The following TSHZ2 variants were observed in gnomAD, a reference collection of about 807,000 sequenced individuals.
The protein encoded by TSHZ2 is teashirt zinc finger homeobox 2.
A neutral mutation model predicts 74.4 loss-of-function variants in TSHZ2; 21 were observed. The observed-to-expected ratio is 0.28, with a 90% confidence interval of 0.20 to 0.41. The LOEUF is 0.41. Ranked by LOEUF, TSHZ2 falls within the 10% of genes least tolerant of loss-of-function variation. The pLI is 1.00. For synonymous variants in TSHZ2, 540 were observed against 515.3 expected (o/e 1.05, Z -0.65); for missense variants, 1,244 against 1,293.5 (o/e 0.96, Z 0.59).
At chr20:53,402,640 A>T (rs1017563751) in intron 2 of TSHZ2, among the ~76,000 whole-genome samples, 1 of 152,220 alleles carries the variant, frequency 6.6e-6, no homozygotes, top group Non-Finnish European at 1.5e-5. Context: ...GTTAGTTTCA[A>T]TGGGGTAACC....
intron 2 of TSHZ2, among the ~76,000 whole-genome samples, chr20:53,329,519 G>A (rs2145543926): frequency 6.6e-6 from 1 of 152,188 alleles, no homozygotes; most frequent in East Asian, 1.9e-4. Flanking sequence ...ATCAATATCA[G>A]TCTGATGACT....
intron 2 of TSHZ2, among the ~76,000 whole-genome samples, chr20:53,452,338 G>A (rs1248034497): frequency 3.3e-5 from 5 of 152,272 alleles, no homozygotes; most frequent in South Asian, 4.1e-4. Context: ...GGTGGCTCAC[G>A]CCTGTAGTCC....
intron 1 of TSHZ2, among the ~76,000 whole-genome samples, chr20:52,992,240 G>A (rs1438041670): frequency 1.3e-5 from 2 of 152,312 alleles, no homozygotes; most frequent in East Asian, 1.9e-4. Flanking sequence ...CAGTCAGTGG[G>A]TTGAATGCAT....
chr20:53,142,710 C>T (rs1475461989), intron 1 of TSHZ2, among the ~76,000 whole-genome samples: 1 of 152,060 alleles, frequency 6.6e-6, no homozygotes, highest in Non-Finnish European at 1.5e-5. Flanking sequence ...GAGGGTGTGG[C>T]CTACTCATTT....
intron 2 of TSHZ2, among the ~76,000 whole-genome samples, chr20:53,290,951 G>A (rs951234225): frequency 3.3e-5 from 5 of 152,210 alleles, no homozygotes; most frequent in Admixed American, 1.3e-4. Context: ...TTGAGGGGTT[G>A]CAATGGAGAC....
chr20:53,222,101 G>T (rs542595410), intron 1 of TSHZ2, among the ~76,000 whole-genome samples: 4 of 152,256 alleles, frequency 2.6e-5, no homozygotes, highest in South Asian at 4.2e-4. Flanking sequence ...TAGGCTAAAA[G>T]ATATAAAAAG....
At chr20:53,056,114 C>T (rs1323901814) in intron 1 of TSHZ2, among the ~76,000 whole-genome samples, 3 of 152,210 alleles carry the variant, frequency 2.0e-5, no homozygotes, top group African/African-American at 7.2e-5. Flanking sequence ...GTTATTTTAT[C>T]TATACCTAGA....
chr20:53,217,354 A>G (rs976374830), intron 1 of TSHZ2, among the ~76,000 whole-genome samples: 2 of 152,164 alleles, frequency 1.3e-5, no homozygotes, highest in African/African-American at 4.8e-5. Flanking sequence ...GCTCTAGGCA[A>G]GTGAGATATT....
intron 2 of TSHZ2, among the ~76,000 whole-genome samples, chr20:53,363,388 C>A (rs943342355): frequency 1.3e-5 from 2 of 152,228 alleles, no homozygotes; most frequent in African/African-American, 4.8e-5. Flanking sequence ...GGGTTCAAAG[C>A]CAGTGCTCCA....
At chr20:53,014,686 C>A (rs1030285384) in intron 1 of TSHZ2, among the ~76,000 whole-genome samples, 3 of 152,124 alleles carry the variant, frequency 2.0e-5, no homozygotes, top group African/African-American at 7.2e-5. Flanking sequence ...CATTTTGTAT[C>A]TATCTCTTGT....
At chr20:53,346,482 C>G (rs1411557621) in intron 2 of TSHZ2, among the ~76,000 whole-genome samples, 2 of 152,202 alleles carry the variant, frequency 1.3e-5, no homozygotes, top group African/African-American at 4.8e-5. Context: ...AATGTGACAT[C>G]TGTGCGTGGG....
chr20:53,216,816 A>G (rs1989445713), intron 1 of TSHZ2, among the ~76,000 whole-genome samples: 1 of 152,146 alleles, frequency 6.6e-6, no homozygotes, highest in Non-Finnish European at 1.5e-5. Flanking sequence ...ATTTGTCTAC[A>G]TCTTGCTGGG....
chr20:53,450,248 T>C (rs1417455204), intron 2 of TSHZ2, among the ~76,000 whole-genome samples: 1 of 152,212 alleles, frequency 6.6e-6, no homozygotes, highest in African/African-American at 2.4e-5. Flanking sequence ...TCCCCCTCTT[T>C]AAAATACATC....
In TSHZ2 at chr20:53,068,191, A is replaced by T. The variant is rs1476111214; in HGVS notation, c.40+94858A>T. ...TCTGAATAACGTCATATTCACGGGT[A>T]CCAGGGGTTAGAACTTCAACTTTTC... On this transcript the variant is annotated intron_variant, in intron 1 of 2. Transcript: ENST00000371497. Among the ~76,000 whole-genome samples the T allele has an allele frequency of 2.6e-5, 4 of 152,310 alleles. No individual in the cohort carries two copies. In the East Asian group the frequency reaches 7.7e-4, roughly 29 times the overall value.
intron 2 of TSHZ2, among the ~76,000 whole-genome samples, chr20:53,354,737 TAC>T (rs1019870919): frequency 4.6e-5 from 7 of 152,256 alleles, no homozygotes; most frequent in Admixed American, 1.3e-4. Context: ...CAGTTTCATA[TAC>T]AAGCAAGACT....
intron 1 of TSHZ2, among the ~76,000 whole-genome samples, chr20:53,065,480 T>TA (rs565251436): frequency 1.3e-3 from 194 of 152,228 alleles, no homozygotes; most frequent in Non-Finnish European, 2.1e-3. Context: ...TAATGAAACA[T>TA]AATATTCAAA....
At chr20:53,046,640 A>AAAAAC (rs569453476) in intron 1 of TSHZ2, among the ~76,000 whole-genome samples, 1 of 152,108 alleles carries the variant, frequency 6.6e-6, no homozygotes, top group Non-Finnish European at 1.5e-5. Context: ...TTTGATTAAA[A>AAAAAC]AAAACAAAAC....
intron 1 of TSHZ2, among the ~76,000 whole-genome samples, chr20:53,204,879 A>C (rs976837193): frequency 1.5e-4 from 23 of 152,042 alleles, no homozygotes; most frequent in African/African-American, 5.3e-4. Flanking sequence ...CAGGAGTTCA[A>C]GACTAGCCTG....
chr20:53,471,810 T>C (rs1350927335), intron 2 of TSHZ2, among the ~76,000 whole-genome samples: 4 of 148,460 alleles, frequency 2.7e-5, no homozygotes, highest in African/African-American at 7.4e-5. Flanking sequence ...TTTCTTTTTT[T>C]TTTTTTTTTT....
Sources: gnomAD v4.1 joint callset for allele counts (sites outside exome capture counted in the v4.1 genomes callset) on GRCh38, gnomAD v4.1.1 for gene constraint, MANE v1.5 for transcripts, NCBI Gene and HGNC (gene_info 2026-07-23, HGNC 2026-07-21) for gene names.